The following AKAP19 variants were observed in gnomAD, a reference collection of about 807,000 sequenced individuals.
AKAP19 encodes A-kinase anchoring protein 19.
the AKAP19 span, among the ~76,000 whole-genome samples, chr2:190,195,444 T>A: frequency 6.6e-6 from 1 of 152,202 alleles, no homozygotes; most frequent in Admixed American, 6.5e-5. Flanking sequence ...TCACCAACAG[T>A]GAATGAGAGT....
the AKAP19 span, among the ~76,000 whole-genome samples, chr2:189,881,234 T>G: frequency 2.0e-5 from 3 of 152,144 alleles, no homozygotes; most frequent in Non-Finnish European, 4.4e-5. Context: ...ATCTTGGGGC[T>G]CCTAAATCAC....
the AKAP19 span, among the ~76,000 whole-genome samples, chr2:189,993,574 T>G: frequency 6.6e-6 from 1 of 152,232 alleles, no homozygotes. Flanking sequence ...TCAGTAAGAT[T>G]GGTACCAATT....
the AKAP19 span, among the ~76,000 whole-genome samples, chr2:189,898,876 C>T: frequency 6.6e-6 from 1 of 152,200 alleles, no homozygotes; most frequent in Non-Finnish European, 1.5e-5. Flanking sequence ...AAATCACTCT[C>T]TTGTGTTCCT....
the AKAP19 span, among the ~76,000 whole-genome samples, chr2:190,133,463 C>T: frequency 6.6e-6 from 1 of 152,026 alleles, no homozygotes; most frequent in African/African-American, 2.4e-5. Context: ...CTGTTATATA[C>T]GGTTGCTGGG....
chr2:189,932,792 A>C, the AKAP19 span, among the ~76,000 whole-genome samples: 1 of 152,048 alleles, frequency 6.6e-6, no homozygotes, highest in Non-Finnish European at 1.5e-5. Context: ...GAGCCTTTCC[A>C]GCAGGTTTTT....
chr2:189,898,818 A>G, the AKAP19 span, among the ~76,000 whole-genome samples: 2 of 152,164 alleles, frequency 1.3e-5, no homozygotes, highest in African/African-American at 4.8e-5. Flanking sequence ...GGTCTTGTCT[A>G]TATCCCATAT....
chr2:190,076,955 T>C, the AKAP19 span, among the ~76,000 whole-genome samples: 1 of 152,184 alleles, frequency 6.6e-6, no homozygotes, highest in African/African-American at 2.4e-5. Context: ...TTAATATTAC[T>C]GTTCAGTCTC....
At chr2:190,073,443 C>CT in the AKAP19 span, among the ~76,000 whole-genome samples, 1 of 152,014 alleles carries the variant, frequency 6.6e-6, no homozygotes, top group Non-Finnish European at 1.5e-5. Flanking sequence ...TTATGGGAAA[C>CT]TTTTTTATCA....
chr2:190,166,317 CTTT>C, the AKAP19 span, among the ~76,000 whole-genome samples: 314 of 65,266 alleles, frequency 4.8e-3, no homozygotes, highest in Middle Eastern at 0.022. Flanking sequence ...AAAATCCACT[CTTT>C]TTTTTTTTTT....
the AKAP19 span, among the ~76,000 whole-genome samples, chr2:190,082,075 G>A: frequency 6.6e-6 from 1 of 152,156 alleles, no homozygotes; most frequent in Admixed American, 6.5e-5. Context: ...GCCAGTCTGT[G>A]GAGTATGCAC....
At chr2:189,920,392 A>G in the AKAP19 span, among the ~76,000 whole-genome samples, 8 of 152,308 alleles carry the variant, frequency 5.3e-5, no homozygotes, top group Admixed American at 1.3e-4. Flanking sequence ...AGAAGAAAGG[A>G]AAGTAGAGAG....
chr2:190,165,282 C>A, the AKAP19 span, among the ~76,000 whole-genome samples: 157 of 151,906 alleles, frequency 1.0e-3, no homozygotes, highest in Non-Finnish European at 1.6e-3. Context: ...ACTAAAAATA[C>A]AAAAATTAGC....
the AKAP19 span, among the ~76,000 whole-genome samples, chr2:190,140,765 C>T: frequency 2.6e-5 from 4 of 152,310 alleles, 1 homozygote; most frequent in South Asian, 8.3e-4. Flanking sequence ...GACATTTTTC[C>T]TATTGTCTTG....
chr2:190,114,503 G>C, the AKAP19 span, among the ~76,000 whole-genome samples: 24 of 152,114 alleles, frequency 1.6e-4, no homozygotes, highest in Non-Finnish European at 1.0e-4. Flanking sequence ...TTGCCCAGGC[G>C]GGAGTCCAGT....
chr2:189,957,173 C>CAAATA, the AKAP19 span, among the ~76,000 whole-genome samples: 7 of 152,022 alleles, frequency 4.6e-5, no homozygotes, highest in East Asian at 3.9e-4. Flanking sequence ...GACTCCATCT[C>CAAATA]AAATAAAATA....
chr2:190,007,369 C>T, the AKAP19 span, among the ~76,000 whole-genome samples: 1 of 152,210 alleles, frequency 6.6e-6, no homozygotes, highest in African/African-American at 2.4e-5. Context: ...AAATGGTATG[C>T]ACTCTGGGCT....
chr2:189,956,330 C>A, the AKAP19 span, among the ~76,000 whole-genome samples: 1 of 149,534 alleles, frequency 6.7e-6, no homozygotes, highest in Non-Finnish European at 1.5e-5. Context: ...CCACTACGCC[C>A]GGCTAATTTT....
chr2:189,931,372 T>C, the AKAP19 span, among the ~76,000 whole-genome samples: 10 of 152,302 alleles, frequency 6.6e-5, 1 homozygote, highest in East Asian at 1.5e-3. Flanking sequence ...GTTATTATTA[T>C]TATTTTGAAG....
At chr2:190,034,349 A>G in the AKAP19 span, among the ~76,000 whole-genome samples, 1 of 151,682 alleles carries the variant, frequency 6.6e-6, no homozygotes, top group Non-Finnish European at 1.5e-5. Context: ...TAATTTTTTT[A>G]ATCAATGATG....
Sources: gnomAD v4.1 joint callset for allele counts (sites outside exome capture counted in the v4.1 genomes callset) on GRCh38, gnomAD v4.1.1 for gene constraint, MANE v1.5 for transcripts, NCBI Gene and HGNC (gene_info 2026-07-23, HGNC 2026-07-21) for gene names.